The following LRGUK variants were observed in gnomAD, a reference collection of about 807,000 sequenced individuals.
LRGUK encodes leucine rich repeats and guanylate kinase domain containing.
In LRGUK, 65 loss-of-function variants were observed where a neutral mutation model predicts 76.0. The ratio of observed to expected loss-of-function variants is 0.85; its 90% CI spans 0.70 to 1.05. The LOEUF (loss-of-function observed/expected upper bound fraction) is 1.05, where lower values mean the gene tolerates loss of function less well. Among genes scored for constraint, LRGUK ranks in the 50% least tolerant of loss-of-function variants. The pLI, the probability that LRGUK is intolerant of heterozygous loss-of-function variation, is 0.00. For missense variants in LRGUK, 758 were observed against 732.8 expected, an observed-to-expected ratio of 1.03 and a Z score of -0.40; for synonymous variants, 268 against 265.6, an observed-to-expected ratio of 1.01 and a Z score of -0.09.
chr7:134,221,694 G>A, intron 15 of LRGUK, 85 bp from the exon 16 acceptor site: 3 of 1,089,266 alleles, frequency 2.8e-6, no homozygotes, highest in Non-Finnish European at 2.5e-6. Flanking sequence ...TTATGTTTGG[G>A]CAAATAAAAA....
In LRGUK at chr7:134,218,656, G is replaced by T. The variant is rs1296480174; in HGVS notation, c.1844-3123G>T. ...TTAACTTTCCTTTTTGCAGTAAATG[G>T]CCCTATTTAGTCTGTTTGATGATAC... On this transcript the variant is annotated intron_variant, in intron 15 of 19. Coordinates refer to the LRGUK transcript ENST00000285928. 2.6e-4 allele frequency among the ~76,000 whole-genome samples: 39 copies of T among 151,982 alleles called. 1 individual carries two copies. Among genetic ancestry groups the T allele is most frequent in the Non-Finnish European group, 1.5e-5 (1 of 67,978 alleles).
intron 11 of LRGUK, 64 bp downstream of exon 11, chr7:134,183,917 G>C: frequency 6.3e-7 from 1 of 1,579,974 alleles, no homozygotes; most frequent in Non-Finnish European, 8.6e-7. Flanking sequence ...GGTATCAATA[G>C]TTGTAGTAAA....
intron 15 of LRGUK, among the ~76,000 whole-genome samples, chr7:134,203,349 G>GT (rs1193893055): frequency 6.6e-6 from 1 of 152,194 alleles, no homozygotes; most frequent in African/African-American, 2.4e-5. Flanking sequence ...TGCTTTGCAA[G>GT]TATGTTCAGC....
At chr7:134,249,710 A>T (rs1315970276) in intron 18 of LRGUK, among the ~76,000 whole-genome samples, 5 of 152,184 alleles carry the variant, frequency 3.3e-5, no homozygotes, top group Non-Finnish European at 4.4e-5. Flanking sequence ...GTGGCTCAAA[A>T]GCTGAAAATG....
In LRGUK at chr7:134,227,294, C is replaced by G. The variant is rs537983040; in HGVS notation, c.1983+5376C>G. 3.3e-5 allele frequency among the ~76,000 whole-genome samples: 5 copies of G among 152,216 alleles called. No individual in the cohort carries two copies. In the East Asian group the frequency reaches 9.7e-4, roughly 29 times the overall value. On this transcript the variant is annotated intron_variant, in intron 16 of 19. Transcript: ENST00000285928. ...AAGTAAACTTAGCGAACGATGCTTT[C>G]TTTAGGTTGGTAACTGAAAGCCTGC...
At chr7:134,191,528 C>T (rs1800247264) in intron 11 of LRGUK, 127 bp from the exon 12 acceptor site, 1 of 688,474 alleles carries the variant, frequency 1.5e-6, no homozygotes, top group East Asian at 2.8e-5. Flanking sequence ...ATTCTTACAA[C>T]TGTATTACTT....
chr7:134,135,511 G>A (rs553444525), intron 1 of LRGUK, among the ~76,000 whole-genome samples: 150 of 152,272 alleles, frequency 9.9e-4, no homozygotes, highest in African/African-American at 3.5e-3. Flanking sequence ...ATTTTACAGC[G>A]ACATGTCCTG....
At chr7:134,187,525 TCAGTCACATA>T (rs1800028478) in intron 11 of LRGUK, among the ~76,000 whole-genome samples, 1 of 152,218 alleles carries the variant, frequency 6.6e-6, no homozygotes, top group Non-Finnish European at 1.5e-5. Flanking sequence ...AAAACATAAC[TCAGTCACATA>T]ACAAATATTG....
At chr7:134,185,398 T>G (rs1434751311) in intron 11 of LRGUK, among the ~76,000 whole-genome samples, 1 of 151,826 alleles carries the variant, frequency 6.6e-6, no homozygotes, top group African/African-American at 2.4e-5. Flanking sequence ...TCTTCTCTAC[T>G]AAAAGTATAA....
intron 12 of LRGUK, among the ~76,000 whole-genome samples, chr7:134,195,054 A>G (rs1438535909): frequency 6.6e-6 from 1 of 152,138 alleles, no homozygotes; most frequent in Non-Finnish European, 1.5e-5. Context: ...TTGGTCAGAG[A>G]TGAAATCACA....
intron 7 of LRGUK, among the ~76,000 whole-genome samples, chr7:134,168,595 G>C (rs887416412): frequency 8.5e-5 from 13 of 152,100 alleles, no homozygotes; most frequent in Non-Finnish European, 1.6e-4. Context: ...GAGAGGACAA[G>C]GGCCTTCAAT....
At chr7:134,157,618 G>A (rs912442776) in intron 5 of LRGUK, among the ~76,000 whole-genome samples, 5 of 152,180 alleles carry the variant, frequency 3.3e-5, no homozygotes, top group African/African-American at 4.8e-5. Context: ...CGCCTCCCGG[G>A]TTCACGCCGT....
intron 5 of LRGUK, among the ~76,000 whole-genome samples, chr7:134,149,457 C>T (rs903294690): frequency 1.3e-5 from 2 of 152,110 alleles, no homozygotes; most frequent in South Asian, 2.1e-4. Flanking sequence ...AAGGCTGATA[C>T]GAGGGACAAC....
chr7:134,274,565 G>T, the LRGUK span, among the ~76,000 whole-genome samples: 1 of 151,820 alleles, frequency 6.6e-6, no homozygotes, highest in South Asian at 2.1e-4. Context: ...AGATGGTGTG[G>T]GATTTTAGTA....
At chr7:134,171,345 G>GA (rs1228622802) in intron 7 of LRGUK, among the ~76,000 whole-genome samples, 1 of 151,424 alleles carries the variant, frequency 6.6e-6, no homozygotes, top group African/African-American at 2.4e-5. Flanking sequence ...ATGTGGCAGC[G>GA]AAAAAAATTT....
chr7:134,157,369 G>GA (rs1798516067), intron 5 of LRGUK, among the ~76,000 whole-genome samples: 1 of 152,092 alleles, frequency 6.6e-6, no homozygotes, highest in African/African-American at 2.4e-5. Context: ...GGGTGATCTG[G>GA]TAGTCAGAAG....
intron 1 of LRGUK, 145 bp from the exon 2 acceptor site, chr7:134,136,877 AC>A (rs1320612063): frequency 1.6e-6 from 1 of 616,248 alleles, no homozygotes; most frequent in Non-Finnish European, 2.9e-6. Flanking sequence ...TGTTATCAAC[AC>A]AGAATTTTTT....
rs540562156 is a variant in LRGUK, at chr7:134,138,115, T to C, written c.405+985T>C. ...GCAATAACATACAGGGAGCACCCTG[T>C]ATGCATTGCACTGTGTTTGACGCTG... On this transcript the variant is annotated intron_variant, in intron 2 of 15. Coordinates refer to ENST00000645682, the Ensembl canonical transcript of LRGUK. 7.5e-4 allele frequency among the ~76,000 whole-genome samples: 115 copies of C among 152,336 alleles called. 1 individual carries two copies. Among genetic ancestry groups the C allele is most frequent in the Middle Eastern group, 6.8e-3 (2 of 294 alleles).
chr7:134,272,597 A>C, the LRGUK span, among the ~76,000 whole-genome samples: 2 of 152,352 alleles, frequency 1.3e-5, no homozygotes, highest in East Asian at 3.9e-4. Context: ...AATACCTTTT[A>C]CATTAAGTCA....
Sources: allele counts gnomAD v4.1 joint callset (sites outside exome capture counted in the v4.1 genomes callset), GRCh38; gene constraint gnomAD v4.1.1; transcripts MANE v1.5; gene names NCBI Gene and HGNC (gene_info 2026-07-23, HGNC 2026-07-21).